Variants in PIEZO2 observed in about 807,000 individuals in gnomAD.
The protein encoded by PIEZO2 is piezo-type mechanosensitive ion channel component 2.
PIEZO2 carries 172 observed loss-of-function variants against 337.3 expected under a neutral mutation model. The ratio of observed to expected loss-of-function variants is 0.51; its 90% CI spans 0.45 to 0.58. PIEZO2 has a LOEUF of 0.58. PIEZO2 is among the 20% of genes least tolerant of loss of function. The pLI is 0.00. For synonymous variants in PIEZO2, 1,251 were observed against 1,228.5 expected (o/e 1.02, Z -0.38); for missense variants, 3,028 against 3,391.3 (o/e 0.89, Z 2.66).
Position 11,021,975 on chromosome 18 carries a change from G to T in PIEZO2, c.161-42315C>A, listed in dbSNP as rs1342860134. Among the ~76,000 whole-genome samples, 1 of 152,168 alleles carries T rather than the reference G, an allele frequency of 6.6e-6. No individual in the cohort carries two copies. Among genetic ancestry groups the T allele is most frequent in the Admixed American group, 6.5e-5 (1 of 15,278 alleles). ...ACGTGTGAAGGGGATTTGCAGGGGG[G>T]TCTCTCAAGAACAAACCCCAGGCAT... On this transcript the variant is annotated intron_variant, in intron 2 of 55. Transcript: ENST00000674853. The surrounding 1 kb of genome is among the most constrained non-coding windows in gnomAD (Gnocchi z 4.7).
intron 7 of PIEZO2, among the ~76,000 whole-genome samples, chr18:10,844,015 T>C (rs1449373831): frequency 1.3e-5 from 2 of 152,216 alleles, no homozygotes; most frequent in African/African-American, 4.8e-5. Context: ...TAGAAACATA[T>C]TACTATGTCG....
At chr18:10,923,087 C>T (rs1316898594) in intron 3 of PIEZO2, among the ~76,000 whole-genome samples, 2 of 152,086 alleles carry the variant, frequency 1.3e-5, no homozygotes, top group Admixed American at 6.5e-5. Context: ...TTTCCAGTAA[C>T]CATAATTTAA....
At chr18:11,020,790 G>C (rs2145709915) in intron 2 of PIEZO2, among the ~76,000 whole-genome samples, 1 of 152,242 alleles carries the variant, frequency 6.6e-6, no homozygotes, top group South Asian at 2.1e-4. Context: ...CTGAAGCCTG[G>C]CAGAGAGCTT....
chr18:11,058,069 C>G (rs1402083108), intron 2 of PIEZO2, among the ~76,000 whole-genome samples: 1 of 152,090 alleles, frequency 6.6e-6, no homozygotes, highest in Non-Finnish European at 1.5e-5. Flanking sequence ...TAAAGACTGC[C>G]CCGGTCTACA....
intron 3 of PIEZO2, among the ~76,000 whole-genome samples, chr18:10,913,848 G>C (rs1006970481): frequency 1.3e-5 from 2 of 151,948 alleles, no homozygotes; most frequent in African/African-American, 2.4e-5. Flanking sequence ...TTCAGTGTCT[G>C]ACATACCACA....
Position 10,750,171 on chromosome 18 carries a change from T to G in PIEZO2, c.4184A>C (p.Tyr1395Ser). The change falls in exon 29 of 56, where the codon TAC becomes TCC. Residue 1395 changes from tyrosine (Y) to serine (S), a missense_variant. Tyr to Ser is a moderately radical substitution (Grantham distance 144). Coordinates refer to ENST00000674853, the MANE Select transcript of PIEZO2 (RefSeq NM_001378183.1). The surrounding 1 kb of genome is among the most constrained non-coding windows in gnomAD (Gnocchi z 4.1). ...ACTATTGTGCACCAATGTTCCAATG[T>G]ATCCACATGCTCCTATCTGAAAAAC... ...KNILSIGACGYIGTLVHNSCW... is the reference protein window; with the variant it reads ...KNILSIGACGSIGTLVHNSCW... The G allele has an allele frequency of 6.5e-7, 1 of 1,536,882 alleles. No homozygotes were observed. Among genetic ancestry groups the G allele is most frequent in the South Asian group, 1.2e-5 (1 of 84,038 alleles).
At chr18:10,864,102 A>G (rs1031300048) in intron 5 of PIEZO2, among the ~76,000 whole-genome samples, 8 of 152,214 alleles carry the variant, frequency 5.3e-5, no homozygotes, top group African/African-American at 1.9e-4. Flanking sequence ...AAGATTCAGA[A>G]CCCATATAAT....
At chr18:10,881,428 C>T (rs2042417400) in intron 4 of PIEZO2, among the ~76,000 whole-genome samples, 1 of 152,202 alleles carries the variant, frequency 6.6e-6, no homozygotes, top group Admixed American at 6.5e-5. Flanking sequence ...TCCTAACTCC[C>T]TGGCCTTGGC....
chr18:11,052,873 C>T lies in PIEZO2; in HGVS notation c.160+13254G>A, dbSNP rs146152718. Among the ~76,000 whole-genome samples, 674 of 152,342 alleles carry T rather than the reference C, an allele frequency of 4.4e-3. 8 individuals are homozygous for T. The highest frequency in any genetic ancestry group is 0.015 in the African/African-American group (637 of 41,568). On this transcript the variant is annotated intron_variant, in intron 2 of 55. Transcript: ENST00000674853. ...TCTCCCTTAAGCATACTCACATTATCTCTCCAGACCCTTGTTCCCAGAGCC... is the reference window on the plus strand; with the variant it reads ...TCTCCCTTAAGCATACTCACATTATTTCTCCAGACCCTTGTTCCCAGAGCC...
chr18:10,744,145 C>A lies in PIEZO2; in HGVS notation c.4511G>T (p.Arg1504Leu). 1.3e-6 allele frequency: 2 copies of A among 1,530,850 alleles called. No individual in the cohort carries two copies. Among genetic ancestry groups the A allele is most frequent in the South Asian group, 2.4e-5 (2 of 83,848 alleles). 94.8% of individuals were successfully genotyped at this position (1,530,850 alleles called of 1,614,324 possible). Residue 1504 changes from arginine to leucine, a missense_variant, in exon 31 of 56, where the codon CGA becomes CTA. Around this residue, in one of 5 missense-constraint regions of PIEZO2, gnomAD observed 1,925 missense variants for 2,051.9 expected, o/e 0.94. Coordinates refer to ENST00000674853, the MANE Select transcript of PIEZO2 (RefSeq NM_001378183.1). Reference sequence around the variant, plus strand: ...TGAGCATCAATAGCATCCTTACTGTCGCTTCAGCTGGTCCATGGACTTCTT... The same window carrying A: ...TGAGCATCAATAGCATCCTTACTGTAGCTTCAGCTGGTCCATGGACTTCTT... ...EEKKSMDQLK[R>L]QMDRIKARQQ...
At chr18:10,911,123 CT>C in intron 4 of PIEZO2, 62 bp downstream of exon 4, 1 of 806,144 alleles carries the variant, frequency 1.2e-6, no homozygotes, top group Admixed American at 2.6e-5. Flanking sequence ...CAATAAATTA[CT>C]TAGAAGAAAT....
intron 18 of PIEZO2, 142 bp downstream of exon 18, chr18:10,780,183 T>G: frequency 1.6e-6 from 1 of 631,334 alleles, no homozygotes; most frequent in Non-Finnish European, 2.9e-6. Flanking sequence ...TGGTTTGGTT[T>G]GCAAAATACA....
At chr18:11,046,482 G>A (rs1267843638) in intron 2 of PIEZO2, among the ~76,000 whole-genome samples, 2 of 152,220 alleles carry the variant, frequency 1.3e-5, no homozygotes, top group Admixed American at 6.5e-5. Flanking sequence ...CAGCTAACTG[G>A]TGATAAATAA....
chr18:10,737,340 G>A (rs1387806536), intron 33 of PIEZO2, among the ~76,000 whole-genome samples: 1 of 149,718 alleles, frequency 6.7e-6, no homozygotes, highest in African/African-American at 2.5e-5. Flanking sequence ...AAATGGGCAG[G>A]TAACATTGAA....
intron 42 of PIEZO2, among the ~76,000 whole-genome samples, chr18:10,703,719 G>A (rs1378059933): frequency 3.3e-5 from 5 of 152,002 alleles, no homozygotes; most frequent in African/African-American, 4.8e-5. Context: ...ATGGGCATTC[G>A]TGATCCTGTC....
rs2040744586 is a variant in PIEZO2 at position 10,828,403 on chromosome 18, T to C, written c.918-21129A>G. On this transcript the variant is annotated intron_variant, in intron 7 of 55. Transcript: ENST00000674853. The surrounding 1 kb of genome is among the most constrained non-coding windows in gnomAD (Gnocchi z 4.1). ...AAATGGAGCTGCTGCCCTGAAGAAA[T>C]TCCTATTTTAACAAAAAGGTTGGGG... is the stretch of plus-strand genomic sequence containing the variant. 6.6e-6 allele frequency among the ~76,000 whole-genome samples: 1 copy of C among 152,162 alleles called. No homozygotes were observed. The highest frequency in any genetic ancestry group is 2.1e-4 in the South Asian group (1 of 4,820).
intron 4 of PIEZO2, among the ~76,000 whole-genome samples, chr18:10,909,348 G>A (rs1349634364): frequency 6.6e-6 from 1 of 152,138 alleles, no homozygotes; most frequent in Non-Finnish European, 1.5e-5. Flanking sequence ...GAGGGGCTGG[G>A]GGGCACTGAT....
intron 7 of PIEZO2, among the ~76,000 whole-genome samples, chr18:10,845,497 A>T (rs981966946): frequency 3.9e-4 from 60 of 152,326 alleles, no homozygotes; most frequent in Non-Finnish European, 4.9e-4. Flanking sequence ...ATAATAATAA[A>T]AAAATCACAT....
At chr18:10,803,248 T>C (rs566101047) in intron 9 of PIEZO2, among the ~76,000 whole-genome samples, 1 of 152,346 alleles carries the variant, frequency 6.6e-6, no homozygotes, top group African/African-American at 2.4e-5. Flanking sequence ...CTCTACCAAA[T>C]ACTGACAAGT....
Sources: allele counts gnomAD v4.1 joint callset (sites outside exome capture counted in the v4.1 genomes callset), GRCh38; gene constraint gnomAD v4.1.1; regional missense constraint gnomAD v4.1.1; non-coding constraint Gnocchi (gnomAD v3.1); transcripts MANE v1.5; gene names NCBI Gene and HGNC (gene_info 2026-07-23, HGNC 2026-07-21).